Variants in OSBPL3 observed in about 807,000 individuals in gnomAD.
The protein encoded by OSBPL3 is oxysterol-binding protein-related protein 3.
A neutral mutation model predicts 120.1 loss-of-function variants in OSBPL3; 65 were observed. That is an observed-to-expected ratio of 0.54 (90% CI 0.44 to 0.67). The LOEUF is 0.67. OSBPL3 is among the 30% of genes least tolerant of loss of function. The probability of loss-of-function intolerance (pLI) is 0.00; values close to 1 mark genes in which losing one functional copy is unlikely to be tolerated. For missense variants in OSBPL3, 1,004 were observed against 1,082.1 expected (o/e 0.93, Z 1.01); for synonymous variants, 416 against 402.6 (o/e 1.03, Z -0.40).
chr7:24,849,299 G>T lies in OSBPL3; in HGVS notation c.1159-123C>A. The T allele has an allele frequency of 1.5e-6, 1 of 674,404 alleles. No homozygotes were observed. The highest frequency in any genetic ancestry group is 2.5e-6 in the Non-Finnish European group (1 of 396,172). 41.8% of individuals were successfully genotyped at this position (674,404 alleles called of 1,614,324 possible). On this transcript the variant is annotated intron_variant, in intron 11 of 22. Transcript: ENST00000313367. This position sits in a 1 kb window ranked among gnomAD's most constrained non-coding sequence, Gnocchi z 5.4. ...AAACTCTTAGTGACGTGGTCTGACA[G>T]CGCACTTTCTGGACTTTTTCCTTGA...
chr7:24,878,668 G>A (rs945512608), intron 2 of OSBPL3, among the ~76,000 whole-genome samples: 2 of 152,106 alleles, frequency 1.3e-5, no homozygotes, highest in Non-Finnish European at 2.9e-5. Flanking sequence ...CTCAGCTATG[G>A]TTTTTTGTTT....
chr7:24,847,820 G>A (rs549012394), intron 12 of OSBPL3, among the ~76,000 whole-genome samples: 18 of 152,324 alleles, frequency 1.2e-4, no homozygotes, highest in South Asian at 4.1e-4. Context: ...CCAATGTGCA[G>A]ACTCAAAAGA....
intron 1 of OSBPL3, among the ~76,000 whole-genome samples, chr7:24,941,693 A>G (rs1222469989): frequency 1.3e-5 from 2 of 152,240 alleles, no homozygotes; most frequent in East Asian, 3.8e-4. Flanking sequence ...CCACTTGACC[A>G]TAATCACACC....
rs1401016734 is a variant in OSBPL3 at position 24,855,723 on chromosome 7, ACT to A, written c.1028-3091_1028-3090del. ...ACACAGGATCCCAAAAGTCAGGAAC[ACT>A]CTCTGTGATAGGAGTGCTTTCTTAC... On this transcript the variant is annotated intron_variant, in intron 10 of 22. Transcript: ENST00000313367. The surrounding 1 kb of genome is among the most constrained non-coding windows in gnomAD (Gnocchi z 4.3). 1.3e-5 allele frequency among the ~76,000 whole-genome samples: 2 copies of A among 152,170 alleles called. No individual in the cohort carries two copies. Among genetic ancestry groups the A allele is most frequent in the African/African-American group, 4.8e-5 (2 of 41,438 alleles).
rs988213652 is a variant in OSBPL3, at chr7:24,873,771, A to G, written c.97-1702T>C. ...AAAAAAACTTACTTGAATTTATTTT[A>G]GCTCAGAAAGCCATTCCACAAAATT... is the stretch of plus-strand genomic sequence containing the variant. On this transcript the variant is annotated intron_variant, in intron 2 of 22. Transcript: ENST00000313367. This position sits in a 1 kb window ranked among gnomAD's most constrained non-coding sequence, Gnocchi z 4.1. Among the ~76,000 whole-genome samples the G allele has an allele frequency of 6.6e-6, 1 of 152,176 alleles. No individual in the cohort carries two copies. The highest frequency in any genetic ancestry group is 6.5e-5 in the Admixed American group (1 of 15,276).
At chr7:24,911,668 T>C (rs1055564109) in intron 1 of OSBPL3, among the ~76,000 whole-genome samples, 1 of 152,210 alleles carries the variant, frequency 6.6e-6, no homozygotes, top group African/African-American at 2.4e-5. Context: ...AGATATATTT[T>C]GGAGGTATCC....
In OSBPL3 at chr7:24,852,703, A is replaced by T. The variant is rs1799311723; in HGVS notation, c.1028-69T>A. 9.8e-7 allele frequency: 1 copy of T among 1,024,754 alleles called. No homozygotes were observed. The highest frequency in any genetic ancestry group is 1.4e-6 in the Non-Finnish European group (1 of 732,258). 63.5% of individuals were successfully genotyped at this position (1,024,754 alleles called of 1,614,324 possible). On this transcript the variant is annotated intron_variant, in intron 10 of 22. Coordinates refer to ENST00000313367, the MANE Select transcript of OSBPL3 (RefSeq NM_015550.4). The surrounding 1 kb of genome is among the most constrained non-coding windows in gnomAD (Gnocchi z 4.1). ...TTAAAAACAAAATACAGAAAAAAAC[A>T]TATCTCTTATAAAAGAAACAAGCAA...
In OSBPL3 at chr7:24,877,368, G is replaced by A. The variant is rs1425628250; in HGVS notation, c.97-5299C>T. Among the ~76,000 whole-genome samples, 1 of 152,106 alleles carries A rather than the reference G, an allele frequency of 6.6e-6. No homozygotes were observed. The highest frequency in any genetic ancestry group is 1.9e-4 in the East Asian group (1 of 5,186). ...AAACAGGGAAGGGAAATTAGCCTGT[G>A]CATTTTAAGGCTGCCAAGTCTTCGC... On this transcript the variant is annotated intron_variant, in intron 2 of 22. Transcript: ENST00000313367. This position sits in a 1 kb window ranked among gnomAD's most constrained non-coding sequence, Gnocchi z 4.8.
In OSBPL3 at chr7:24,809,833, G is replaced by A. The variant is rs1793538412; in HGVS notation, c.2291C>T (p.Ser764Phe). ...WHESIYCGGG[S>F]SSACVWRANP... Reference sequence around the variant, plus strand: ...TGCTCTCCATACACAGGCAGAAGAGGAGCCGCCGCCACAGTAGATGCTTTC... The same window carrying A: ...TGCTCTCCATACACAGGCAGAAGAGAAGCCGCCGCCACAGTAGATGCTTTC... The change falls in exon 20 of 23, where the codon TCC becomes TTC. Residue 764 changes from serine (S) to phenylalanine (F), a missense_variant. By Grantham distance (155) the Ser-to-Phe change is radical (BLOSUM62 -2). Around this residue, in one of 4 missense-constraint regions of OSBPL3, gnomAD observed 473 missense variants for 568.0 expected, o/e 0.83. Coordinates refer to ENST00000313367, the MANE Select transcript of OSBPL3 (RefSeq NM_015550.4). The A allele has an allele frequency of 6.2e-7, 1 of 1,614,126 alleles. No individual in the cohort carries two copies. The highest frequency in any genetic ancestry group is 8.5e-7 in the Non-Finnish European group (1 of 1,180,038).
intron 1 of OSBPL3, among the ~76,000 whole-genome samples, chr7:24,926,595 T>C (rs1811077456): frequency 6.6e-6 from 1 of 152,168 alleles, no homozygotes; most frequent in African/African-American, 2.4e-5. Flanking sequence ...CACACCTTTG[T>C]AGCAGCCATG....
chr7:24,917,432 A>T lies in OSBPL3; in HGVS notation c.-149-24811T>A, dbSNP rs1342330142. Among the ~76,000 whole-genome samples the T allele has an allele frequency of 2.4e-5, 3 of 124,092 alleles. 1 individual carries two copies. The highest frequency in any genetic ancestry group is 9.6e-5 in the African/African-American group (3 of 31,382). The allele number at this position is 124,092 out of a possible 152,430, so 81.4% of individuals were successfully genotyped here. ...TATATATATATATATATATATTTGTAACATATATATATATACACACACATA... is the reference window on the plus strand; with the variant it reads ...TATATATATATATATATATATTTGTTACATATATATATATACACACACATA... On this transcript the variant is annotated intron_variant, in intron 1 of 22. Transcript: ENST00000313367.
At position 24,824,958 on chromosome 7, in the gene OSBPL3, A is replaced by G. The variant is rs1795526990; in HGVS notation, c.1885-4720T>C. Among the ~76,000 whole-genome samples the G allele has an allele frequency of 6.6e-6, 1 of 152,204 alleles. No individual in the cohort carries two copies. ...AATGGCTGGAAAATGCTTGGTATGAAGCAGAAGAAGCAAGGCCAGTCTGGC... is the reference window on the plus strand; with the variant it reads ...AATGGCTGGAAAATGCTTGGTATGAGGCAGAAGAAGCAAGGCCAGTCTGGC... On this transcript the variant is annotated intron_variant, in intron 16 of 22. Transcript: ENST00000313367. This position sits in a 1 kb window ranked among gnomAD's most constrained non-coding sequence, Gnocchi z 4.9.
rs140715878 is a variant in OSBPL3 at position 24,851,601 on chromosome 7, C to T, written c.1158+903G>A. On this transcript the variant is annotated intron_variant, in intron 11 of 22. Coordinates refer to ENST00000313367, the MANE Select transcript of OSBPL3 (RefSeq NM_015550.4). The surrounding 1 kb of genome is among the most constrained non-coding windows in gnomAD (Gnocchi z 4.1). ...ACCTGAAATAGAAAATTCAGTATTG[C>T]TTCAGATGGCAATTTCATATGTGCA... Among the ~76,000 whole-genome samples the T allele has an allele frequency of 3.9e-5, 6 of 152,208 alleles. No homozygotes were observed. In the East Asian group the frequency reaches 9.6e-4, roughly 24 times the overall value.
intron 1 of OSBPL3, among the ~76,000 whole-genome samples, chr7:24,908,634 T>C (rs1016078072): frequency 1.3e-5 from 2 of 152,196 alleles, no homozygotes; most frequent in Non-Finnish European, 2.9e-5. Context: ...ATGCTATCTA[T>C]ATCCAAGTTT....
chr7:24,969,841 A>C (rs567278452), intron 1 of OSBPL3, among the ~76,000 whole-genome samples: 1 of 152,158 alleles, frequency 6.6e-6, no homozygotes, highest in African/African-American at 2.4e-5. Flanking sequence ...TGTCACCACC[A>C]AAACACTTTC....
Position 24,872,670 on chromosome 7 carries a change from C to T in OSBPL3, c.97-601G>A, listed in dbSNP as rs1265772336. Among the ~76,000 whole-genome samples the T allele has an allele frequency of 2.6e-5, 4 of 152,098 alleles. No individual in the cohort carries two copies. The highest frequency in any genetic ancestry group is 9.7e-5 in the African/African-American group (4 of 41,428). On this transcript the variant is annotated intron_variant, in intron 2 of 22. Transcript: ENST00000313367. This position sits in a 1 kb window ranked among gnomAD's most constrained non-coding sequence, Gnocchi z 4.1. The stretch of plus-strand genomic sequence containing the variant: ...AGTATATTTTTGCAACAAGAATTTT[C>T]ACTTTTTTCCCAGAAATTTGTTTTT...
rs1490243970 is a variant in OSBPL3 at position 24,808,438 on chromosome 7, A to G, written c.2317+1369T>C. Among the ~76,000 whole-genome samples, 1 of 152,194 alleles carries G rather than the reference A, an allele frequency of 6.6e-6. No homozygotes were observed. Among genetic ancestry groups the G allele is most frequent in the Non-Finnish European group, 1.5e-5 (1 of 68,034 alleles). ...AAAATTTAAACAGTGTTGCTTTATC[A>G]AGGTGGTACTTTAACACTGAGACAG... On this transcript the variant is annotated intron_variant, in intron 20 of 22. Transcript: ENST00000313367. This position sits in a 1 kb window ranked among gnomAD's most constrained non-coding sequence, Gnocchi z 4.6.
At position 24,903,774 on chromosome 7, in the gene OSBPL3, A is replaced by C. The variant is rs375247012; in HGVS notation, c.-149-11153T>G. Among the ~76,000 whole-genome samples, 16 of 152,172 alleles carry C rather than the reference A, an allele frequency of 1.1e-4. 1 individual carries two copies. The highest frequency in any genetic ancestry group is 4.6e-4 in the Admixed American group (7 of 15,290). On this transcript the variant is annotated intron_variant, in intron 1 of 22. Transcript: ENST00000313367. Reference sequence around the variant, plus strand: ...GTCACATGGGCCTCACTATTGGCACATGTCCCCTGACCCCTGACCACAGAC... The same window carrying C: ...GTCACATGGGCCTCACTATTGGCACCTGTCCCCTGACCCCTGACCACAGAC...
chr7:24,951,131 A>T (rs559391635), intron 1 of OSBPL3, among the ~76,000 whole-genome samples: 12 of 152,334 alleles, frequency 7.9e-5, no homozygotes, highest in African/African-American at 2.4e-4. Flanking sequence ...TGATTGTAGC[A>T]TCAAGAGGAT....
Sources: allele counts gnomAD v4.1 joint callset (sites outside exome capture counted in the v4.1 genomes callset), GRCh38; gene constraint gnomAD v4.1.1; regional missense constraint gnomAD v4.1.1; non-coding constraint Gnocchi (gnomAD v3.1); transcripts MANE v1.5; gene names NCBI Gene and HGNC (gene_info 2026-07-23, HGNC 2026-07-21).